TRRAP: variants seen among roughly 807,000 people sequenced by gnomAD.
The protein encoded by TRRAP is transformation/transcription domain-associated protein.
In TRRAP, 41 loss-of-function variants were observed where a neutral mutation model predicts 438.8. The observed-to-expected ratio is 0.09, with a 90% CI of 0.07 to 0.12. TRRAP has a LOEUF of 0.12. Ranked by LOEUF, TRRAP falls within the 10% of genes least tolerant of loss-of-function variation. The probability of loss-of-function intolerance (pLI) is 1.00; values close to 1 mark genes in which losing one functional copy is unlikely to be tolerated. For missense variants in TRRAP, 3,122 were observed against 5,055.1 expected (o/e 0.62, Z 11.60); for synonymous variants, 1,994 against 1,962.9 (o/e 1.02, Z -0.42).
At chr7:98,880,271 T>TTTTTTC (rs1795367343) in intron 1 of TRRAP, among the ~76,000 whole-genome samples, 2 of 149,322 alleles carry the variant, frequency 1.3e-5, no homozygotes, top group Non-Finnish European at 3.0e-5. Context: ...TGTTTTTTTT[T>TTTTTTC]TTTTTTTTCC....
At chr7:98,899,218 G>A (rs1796362158) in intron 8 of TRRAP, among the ~76,000 whole-genome samples, 1 of 152,134 alleles carries the variant, frequency 6.6e-6, no homozygotes, top group Admixed American at 6.5e-5. Flanking sequence ...ATATTGAATT[G>A]TATTAAATGA....
chr7:98,959,529 G>A (rs754121193), intron 45 of TRRAP, 39 bp downstream of exon 45: 51 of 1,597,170 alleles, frequency 3.2e-5, no homozygotes, highest in Middle Eastern at 3.4e-4. Flanking sequence ...CAGCGCCACC[G>A]AGGCCACTAG....
intron 4 of TRRAP, among the ~76,000 whole-genome samples, chr7:98,891,561 A>T (rs1184833485): frequency 1.6e-5 from 2 of 123,600 alleles, no homozygotes; most frequent in African/African-American, 6.3e-5. Flanking sequence ...TTTGAGATGG[A>T]GTCTCGCTCT....
chr7:98,893,943 T>C (rs1796084692), intron 6 of TRRAP, 62 bp downstream of exon 6: 1 of 1,546,574 alleles, frequency 6.5e-7, no homozygotes, highest in African/African-American at 1.4e-5. Flanking sequence ...TTCTGTGAAA[T>C]TTTTTGCTGT....
chr7:98,967,706 G>T lies in TRRAP; in HGVS notation c.7512+8G>T. On this transcript the variant is annotated splice_region_variant and intron_variant, in intron 51 of 72. Coordinates refer to ENST00000456197, the MANE Select transcript of TRRAP (RefSeq NM_001375524.1). ...ATCAAGCAGTGCATTGAGGTAGGAAGACTCGGCTCACATCTGTGGCCGGGG... is the reference window on the plus strand; with the variant it reads ...ATCAAGCAGTGCATTGAGGTAGGAATACTCGGCTCACATCTGTGGCCGGGG... The T allele has an allele frequency of 6.2e-7, 1 of 1,611,440 alleles. No homozygotes were observed. The highest frequency in any genetic ancestry group is 1.1e-5 in the South Asian group (1 of 91,024).
chr7:98,886,317 T>C (rs782532451), intron 3 of TRRAP, among the ~76,000 whole-genome samples: 5 of 150,510 alleles, frequency 3.3e-5, no homozygotes, highest in Admixed American at 1.3e-4. Context: ...TAGATATCTA[T>C]ATAGATAGAG....
In TRRAP at chr7:98,959,488, G is replaced by C. The variant is rs775025449; in HGVS notation, c.6487G>C (p.Val2163Leu). ...GTGGTTCGACAAGCTGCTGATGACT[G>C]TGGTGAGTGCGAGTGTCTGAAGGGC... ...LQWFDKLLMT[V>L]EQPNQVNYGN... The change falls in exon 45 of 73, where the codon GTG becomes CTG. Residue 2163 changes from valine to leucine, a missense_variant and splice_region_variant. Coordinates refer to ENST00000456197, the MANE Select transcript of TRRAP (RefSeq NM_001375524.1). 2 of 1,613,312 alleles carry C rather than the reference G, an allele frequency of 1.2e-6. No homozygotes were observed. Among genetic ancestry groups the C allele is most frequent in the Admixed American group, 1.7e-5 (1 of 59,936 alleles).
Position 98,912,030 on chromosome 7 carries a change from C to G in TRRAP, c.2016C>G (p.Ala672=). The stretch of plus-strand genomic sequence containing the variant: ...GTTTCTTGTATTGACAGATTGTTGC[C>G]AATTCCTTCTTGGCAAATCCTACTA... ...ISKNYALQIV[A]NSFLANPTTS... is the part of the protein sequence containing the mutation. The change falls in exon 18 of 73, where the codon GCC becomes GCG. Residue 672 remains alanine (A), a synonymous_variant. Coordinates refer to ENST00000456197, the MANE Select transcript of TRRAP (RefSeq NM_001375524.1). 6.2e-7 allele frequency: 1 copy of G among 1,611,840 alleles called. No individual in the cohort carries two copies. The highest frequency in any genetic ancestry group is 8.5e-7 in the Non-Finnish European group (1 of 1,178,802).
Position 98,988,915 on chromosome 7 carries a change from G to C in TRRAP, c.9540G>C (p.Leu3180=). Reference sequence around the variant, plus strand: ...GCGTGTCTGCCATCACCTGCTACCTGCACGCCTGCCGGCATCAGAACGAGA... The same window carrying C: ...GCGTGTCTGCCATCACCTGCTACCTCCACGCCTGCCGGCATCAGAACGAGA... ...HLGVSAITCY[L]HACRHQNESK... The change falls in exon 63 of 73, where the codon CTG becomes CTC. Residue 3180 remains leucine (L), a synonymous_variant. Coordinates refer to ENST00000456197, the MANE Select transcript of TRRAP (RefSeq NM_001375524.1). 2 of 1,614,078 alleles carry C rather than the reference G, an allele frequency of 1.2e-6. No individual in the cohort carries two copies. The highest frequency in any genetic ancestry group is 1.7e-6 in the Non-Finnish European group (2 of 1,180,002).
intron 12 of TRRAP, among the ~76,000 whole-genome samples, chr7:98,905,643 C>T (rs1022761221): frequency 2.6e-5 from 4 of 152,164 alleles, no homozygotes; most frequent in Admixed American, 2.0e-4. Context: ...AGAGGAACCC[C>T]GGTGGGGATT....
At chr7:98,971,073 C>CAT (rs1043415334) in intron 52 of TRRAP, among the ~76,000 whole-genome samples, 1 of 152,200 alleles carries the variant, frequency 6.6e-6, no homozygotes, top group African/African-American at 2.4e-5. Context: ...GCGGGCATGG[C>CAT]ACCTTCTTTG....
At chr7:98,937,540 T>C (rs1034224386) in intron 29 of TRRAP, 110 bp from the exon 30 acceptor site, 1 of 1,234,158 alleles carries the variant, frequency 8.1e-7, no homozygotes. Context: ...TAATATTCCA[T>C]CTTCCTAAAG....
chr7:98,971,962 GA>G lies in TRRAP; in HGVS notation c.7839+20del. On this transcript the variant is annotated intron_variant, in intron 53 of 72. Coordinates refer to ENST00000456197, the MANE Select transcript of TRRAP (RefSeq NM_001375524.1). ...GAGGTGAAGGTCTGTACGCAGCTTG[GA>G]AAGGATTCGTTGCTTTCCTCCCATG... 6.2e-7 allele frequency: 1 copy of G among 1,612,136 alleles called. No homozygotes were observed. The highest frequency in any genetic ancestry group is 1.1e-5 in the South Asian group (1 of 90,768).
At position 99,012,235 on chromosome 7, in the gene TRRAP, C is replaced by T. The variant is rs1167207568; in HGVS notation, c.11502C>T (p.Thr3834=). The change falls in exon 73 of 73, where the codon ACC becomes ACT. Residue 3834 remains threonine (T), a synonymous_variant. Coordinates refer to ENST00000456197, the MANE Select transcript of TRRAP (RefSeq NM_001375524.1). This position sits in a 1 kb window ranked among gnomAD's most constrained non-coding sequence, Gnocchi z 5.9. The part of the protein sequence containing the change: ...LVQKAVTAIM[T]RLHNLAQFEG... ...AGAAAGCCGTCACCGCCATCATGAC[C>T]CGCCTGCACAACCTCGCCCAGTTCG... The T allele has an allele frequency of 1.9e-6, 3 of 1,614,210 alleles. No individual in the cohort carries two copies. Among genetic ancestry groups the T allele is most frequent in the Admixed American group, 1.7e-5 (1 of 60,032 alleles).
At chr7:99,008,958 C>G (rs1794314901) in intron 70 of TRRAP, among the ~76,000 whole-genome samples, 1 of 152,178 alleles carries the variant, frequency 6.6e-6, no homozygotes, top group Non-Finnish European at 1.5e-5. Flanking sequence ...TCCTGTTCAC[C>G]TGGTCTGCTG....
At chr7:98,958,520 G>A (rs748668808) in intron 44 of TRRAP, among the ~76,000 whole-genome samples, 4 of 152,186 alleles carry the variant, frequency 2.6e-5, no homozygotes, top group Admixed American at 6.5e-5. Context: ...GGCTGGTCTC[G>A]AGCTCCTGAC....
intron 28 of TRRAP, among the ~76,000 whole-genome samples, chr7:98,936,726 TG>T: frequency 6.6e-6 from 1 of 152,236 alleles, no homozygotes; most frequent in Admixed American, 6.5e-5. Context: ...GGGGTGTCAG[TG>T]GGGTCTCTCT....
At chr7:98,960,759 T>TG (rs1791853312) in intron 45 of TRRAP, among the ~76,000 whole-genome samples, 2 of 144,836 alleles carry the variant, frequency 1.4e-5, no homozygotes, top group African/African-American at 5.1e-5. Flanking sequence ...GCCTGGCTTT[T>TG]TGTGTGTGTG....
chr7:98,880,618 C>T (rs1795385514), intron 1 of TRRAP, among the ~76,000 whole-genome samples: 1 of 151,982 alleles, frequency 6.6e-6, no homozygotes, highest in African/African-American at 2.4e-5. Flanking sequence ...TTTTAAATGG[C>T]TGGGGAAAAG....
Sources: gnomAD v4.1 joint callset for allele counts (sites outside exome capture counted in the v4.1 genomes callset) on GRCh38, gnomAD v4.1.1 for gene constraint, Gnocchi (gnomAD v3.1) non-coding constraint, MANE v1.5 for transcripts, NCBI Gene and HGNC (gene_info 2026-07-23, HGNC 2026-07-21) for gene names.